TMEM255A: variants seen among roughly 807,000 people sequenced by gnomAD.
TMEM255A encodes family with sequence similarity 70, member A.
In TMEM255A, 14 loss-of-function variants were observed where a neutral mutation model predicts 23.5. The observed-to-expected ratio is 0.60, with a 90% CI of 0.39 to 0.93. The LOEUF (loss-of-function observed/expected upper bound fraction) is 0.93. Among genes scored for constraint, TMEM255A ranks in the 40% least tolerant of loss-of-function variants. The probability of loss-of-function intolerance (pLI) is 0.00; values close to 1 mark genes in which losing one functional copy is unlikely to be tolerated. For missense variants in TMEM255A, 233 were observed against 261.7 expected, an observed-to-expected ratio of 0.89 and a Z score of 0.76; for synonymous variants, 104 against 100.3, an observed-to-expected ratio of 1.04 and a Z score of -0.22.
intron 4 of TMEM255A, among the ~76,000 whole-genome samples, chrX:120,289,325 G>C (rs1440469490): frequency 2.7e-5 from 3 of 112,085 alleles, no homozygotes; most frequent in Non-Finnish European, 5.6e-5. Flanking sequence ...AGGAGGTACA[G>C]AGGGCCTGGA....
chrX:120,253,537 G>A, the TMEM255A span: 3 of 1,211,764 alleles, frequency 2.5e-6, no homozygotes, highest in Non-Finnish European at 3.3e-6. Context: ...GTGGAAGACC[G>A]AAAATTCCGG....
chrX:120,286,844 G>A (rs1194820658), intron 5 of TMEM255A, among the ~76,000 whole-genome samples: 1 of 111,314 alleles, frequency 9.0e-6, no homozygotes, highest in Non-Finnish European at 1.9e-5. Context: ...GATGGGGGAG[G>A]GTCATGTCCT....
rs112716137 is a variant in TMEM255A at position 120,272,073 on chromosome X, T to C, written c.676-3686A>G. Among the ~76,000 whole-genome samples the C allele has an allele frequency of 1.0e-3, 112 of 112,338 alleles. 1 individual carries two copies. Among genetic ancestry groups the C allele is most frequent in the African/African-American group, 3.5e-3 (108 of 30,928 alleles). On this transcript the variant is annotated intron_variant, in intron 7 of 8. Coordinates refer to ENST00000371369, the MANE Select transcript of TMEM255A (RefSeq NM_001104544.3). The stretch of plus-strand genomic sequence containing the variant: ...TCTTGGTCAGTGGCCAGGTCTCAGC[T>C]ATAGCAGGGGAGTGGAGGGTGTGGG...
intron 1 of TMEM255A, among the ~76,000 whole-genome samples, chrX:120,306,947 G>A (rs1057242353): frequency 6.2e-5 from 7 of 112,253 alleles, no homozygotes; most frequent in African/African-American, 2.3e-4. Flanking sequence ...CCCCACAGGG[G>A]CCTTGACTCC....
chrX:120,269,622 T>C (rs1345920343), intron 7 of TMEM255A, among the ~76,000 whole-genome samples: 1 of 111,704 alleles, frequency 9.0e-6, no homozygotes, highest in Non-Finnish European at 1.9e-5. Flanking sequence ...TTTACATCTC[T>C]AGGAGGTTTG....
At chrX:120,292,371 T>C (rs1348003518) in intron 3 of TMEM255A, among the ~76,000 whole-genome samples, 3 of 111,098 alleles carry the variant, frequency 2.7e-5, no homozygotes, top group African/African-American at 3.3e-5. Context: ...CAGAACTAGA[T>C]GGAATCAGCA....
intron 1 of TMEM255A, among the ~76,000 whole-genome samples, 155 bp from the exon 2 acceptor site, chrX:120,304,646 G>C (rs781945014): frequency 1.1e-3 from 125 of 111,651 alleles, no homozygotes; most frequent in Non-Finnish European, 2.1e-3. Context: ...GGAAGGGATA[G>C]AGCATTATTT....
chrX:120,296,005 G>GAT (rs1383203322), intron 2 of TMEM255A, among the ~76,000 whole-genome samples: 2 of 111,951 alleles, frequency 1.8e-5, no homozygotes, highest in African/African-American at 6.5e-5. Context: ...CTCCCCCTCT[G>GAT]ATGTTCCACG....
At position 120,260,827 on chromosome X, in the gene TMEM255A, T is replaced by A. The variant is rs2057673266; in HGVS notation, c.*43A>T. 1 of 1,194,739 alleles carries A rather than the reference T, an allele frequency of 8.4e-7. No individual in the cohort carries two copies. Among genetic ancestry groups the A allele is most frequent in the East Asian group, 3.0e-5 (1 of 33,255 alleles). On this transcript the variant is annotated 3_prime_UTR_variant, in exon 9 of 9. Transcript: ENST00000371369. ...CTACACACTTCCACTGAAGCAGAAATACAAAAGCCACAATAATCTCAATAG... is the reference window on the plus strand; with the variant it reads ...CTACACACTTCCACTGAAGCAGAAAAACAAAAGCCACAATAATCTCAATAG...
chrX:120,277,859 C>T (rs905065043), intron 6 of TMEM255A, among the ~76,000 whole-genome samples: 37 of 112,266 alleles, frequency 3.3e-4, no homozygotes, highest in African/African-American at 1.1e-3. Flanking sequence ...CAAAGACACC[C>T]CTTCCCAGCC....
intron 6 of TMEM255A, among the ~76,000 whole-genome samples, chrX:120,280,028 G>T (rs782093787): frequency 3.1e-5 from 2 of 64,903 alleles, no homozygotes; most frequent in Admixed American, 2.3e-4. Flanking sequence ...TTTTTGATGG[G>T]GTCTTGCTCT....
chrX:120,254,049 A>T (rs1556014829), downstream of TMEM255A: 15 of 1,210,793 alleles, frequency 1.2e-5, no homozygotes, highest in Non-Finnish European at 1.7e-5. Context: ...GCCGAGTAAT[A>T]ACACAGTGGC....
intron 2 of TMEM255A, among the ~76,000 whole-genome samples, chrX:120,299,361 G>A (rs2058019264): frequency 1.8e-5 from 2 of 110,496 alleles, no homozygotes; most frequent in Non-Finnish European, 3.8e-5. Context: ...CCAGGCTGGA[G>A]AGCAGTGGTG....
intron 2 of TMEM255A, among the ~76,000 whole-genome samples, chrX:120,296,991 AT>A (rs1231933376): frequency 1.3e-3 from 5 of 3,704 alleles, no homozygotes; most frequent in African/African-American, 8.8e-3. Flanking sequence ...TTATATATAT[AT>A]TATATATAAT....
downstream of TMEM255A, chrX:120,254,907 G>A: frequency 1.7e-6 from 2 of 1,211,965 alleles, no homozygotes; most frequent in South Asian, 3.5e-5. Context: ...TATCTGTATT[G>A]TATGCAAAAG....
chrX:120,287,191 TGGCACC>T lies in TMEM255A; in HGVS notation c.380_385del (p.Arg127_Cys128del). On this transcript the variant is annotated inframe_deletion, in exon 5 of 9. Coordinates refer to ENST00000371369, the MANE Select transcript of TMEM255A (RefSeq NM_001104544.3). ...CTTCTGTGATGTCTTGGGAACATAATGGCACCGGTTAGCGTAGAGTGGTTTCAGATC... is the reference window on the plus strand; with the variant it reads ...CTTCTGTGATGTCTTGGGAACATAATGGTTAGCGTAGAGTGGTTTCAGATC... 1 of 1,210,678 alleles carries T rather than the reference TGGCACC, an allele frequency of 8.3e-7. No homozygotes were observed. Among genetic ancestry groups the T allele is most frequent in the Non-Finnish European group, 1.1e-6 (1 of 894,925 alleles).
intron 5 of TMEM255A, among the ~76,000 whole-genome samples, 197 bp from the exon 6 acceptor site, chrX:120,285,412 T>G (rs781957426): frequency 9.0e-6 from 1 of 111,506 alleles, no homozygotes; most frequent in South Asian, 3.8e-4. Context: ...GTAGCTGGGC[T>G]CATGTCCAGC....
intron 1 of TMEM255A, 28 bp from the exon 2 acceptor site, chrX:120,304,519 G>A (rs1556026651): frequency 8.4e-7 from 1 of 1,196,637 alleles, no homozygotes; most frequent in Admixed American, 2.2e-5. Context: ...AATTAAAATT[G>A]CTCATTTCAG....
At chrX:120,281,146 G>A (rs1556020835) in intron 6 of TMEM255A, among the ~76,000 whole-genome samples, 1 of 112,320 alleles carries the variant, frequency 8.9e-6, no homozygotes, top group East Asian at 2.8e-4. Context: ...AACCTCTTGA[G>A]GGCGAGGGTC....
Sources: allele counts gnomAD v4.1 joint callset (sites outside exome capture counted in the v4.1 genomes callset), GRCh38; gene constraint gnomAD v4.1.1; transcripts MANE v1.5; gene names NCBI Gene and HGNC (gene_info 2026-07-23, HGNC 2026-07-21).